Variants in ARSJ observed in about 807,000 individuals in gnomAD.
The protein encoded by ARSJ is arylsulfatase family member J.
In ARSJ, 26 loss-of-function variants were observed where a neutral mutation model predicts 35.9. That is an observed-to-expected ratio of 0.72 (90% confidence interval 0.53 to 1.00). The LOEUF (loss-of-function observed/expected upper bound fraction) is 1.00. Among genes scored for constraint, ARSJ ranks in the 50% least tolerant of loss-of-function variants. The pLI, the probability that ARSJ is intolerant of heterozygous loss-of-function variation, is 0.00. For missense variants in ARSJ, 667 were observed against 723.6 expected (o/e 0.92, Z 0.90); for synonymous variants, 294 against 267.6 (o/e 1.10, Z -0.96).
At chr4:113,965,211 A>G (rs1726816689) in intron 1 of ARSJ, among the ~76,000 whole-genome samples, 1 of 152,170 alleles carries the variant, frequency 6.6e-6, no homozygotes, top group Admixed American at 6.6e-5. Flanking sequence ...CAAATGAAAA[A>G]CAAGAACTTC....
chr4:113,934,090 A>G (rs1232579731), intron 1 of ARSJ, among the ~76,000 whole-genome samples: 2 of 151,858 alleles, frequency 1.3e-5, no homozygotes, highest in East Asian at 3.9e-4. Flanking sequence ...ACTTGTATCA[A>G]AAAGACAGTA....
In ARSJ at chr4:113,979,063, T is replaced by TCTC; in HGVS notation, c.-232_-230dup. 2.4e-6 allele frequency: 1 copy of TCTC among 423,802 alleles called. No homozygotes were observed. The highest frequency in any genetic ancestry group is 4.1e-6 in the Non-Finnish European group (1 of 242,016). 26.3% of individuals were successfully genotyped at this position (423,802 alleles called of 1,614,324 possible). On this transcript the variant is annotated 5_prime_UTR_variant, in exon 1 of 2. Coordinates refer to ENST00000315366, the MANE Select transcript of ARSJ (RefSeq NM_024590.4). ...CGCTCTTCTCCAGCACATTTCACTT[T>TCTC]CTCCTCCTCCTCCCCCCTCCCTAGA...
At chr4:113,928,415 TTC>T (rs775876113) in intron 1 of ARSJ, among the ~76,000 whole-genome samples, 1 of 152,152 alleles carries the variant, frequency 6.6e-6, no homozygotes, top group African/African-American at 2.4e-5. Flanking sequence ...GGAGCTGTGA[TTC>T]TCTGTTTTTA....
chr4:113,915,644 T>C (rs1299918234), intron 1 of ARSJ, among the ~76,000 whole-genome samples: 1 of 151,966 alleles, frequency 6.6e-6, no homozygotes, highest in Admixed American at 6.6e-5. Context: ...AAAGAAAAAA[T>C]AAATATACCC....
At chr4:113,930,667 A>G (rs1284354991) in intron 1 of ARSJ, among the ~76,000 whole-genome samples, 2 of 151,962 alleles carry the variant, frequency 1.3e-5, no homozygotes, top group Non-Finnish European at 2.9e-5. Context: ...CGGCCATCCC[A>G]TTACTGGGTA....
In ARSJ at chr4:113,901,611, G is replaced by C. The variant is rs2099667081; in HGVS notation, c.*663C>G. The C allele has an allele frequency of 6.6e-6, 1 of 152,530 alleles. No homozygotes were observed. Among genetic ancestry groups the C allele is most frequent in the African/African-American group, 2.4e-5 (1 of 41,430 alleles). The allele number at this position is 152,530 out of a possible 1,614,324, so 9.4% of individuals were successfully genotyped here. On this transcript the variant is annotated 3_prime_UTR_variant, in exon 2 of 2. Transcript: ENST00000315366. ...TAGTTACATTCATTGTGGGCAGTGT[G>C]CTCAAACATTCTTATTTGCCATTCC...
chr4:113,930,501 A>G (rs945749689), intron 1 of ARSJ, among the ~76,000 whole-genome samples: 1 of 152,126 alleles, frequency 6.6e-6, no homozygotes, highest in Non-Finnish European at 1.5e-5. Context: ...GTATCCTTCA[A>G]TCCAATCAAA....
At chr4:113,958,528 TC>T (rs1726335411) in intron 1 of ARSJ, among the ~76,000 whole-genome samples, 1 of 152,002 alleles carries the variant, frequency 6.6e-6, no homozygotes, top group Non-Finnish European at 1.5e-5. Context: ...CCAAAGAAGG[TC>T]TTTGAACCCC....
intron 1 of ARSJ, among the ~76,000 whole-genome samples, chr4:113,933,388 G>A (rs1325119873): frequency 6.6e-6 from 1 of 151,788 alleles, no homozygotes; most frequent in Non-Finnish European, 1.5e-5. Context: ...ACCAGACAGA[G>A]ACACAACAAA....
At chr4:113,952,693 A>G (rs1391562238) in intron 1 of ARSJ, among the ~76,000 whole-genome samples, 1 of 152,068 alleles carries the variant, frequency 6.6e-6, no homozygotes, top group African/African-American at 2.4e-5. Context: ...TAGAAGGACC[A>G]AGAGAACGAT....
chr4:113,969,099 C>A (rs925288003), intron 1 of ARSJ, among the ~76,000 whole-genome samples: 1 of 152,156 alleles, frequency 6.6e-6, no homozygotes, highest in Non-Finnish European at 1.5e-5. Context: ...TTCCATTACC[C>A]TATTTCCAAT....
rs148408717 is a variant in ARSJ at position 113,916,337 on chromosome 4, C to T, written c.399-12662G>A. Among the ~76,000 whole-genome samples the T allele has an allele frequency of 6.3e-4, 96 of 152,234 alleles. 1 individual carries two copies. In the East Asian group the frequency reaches 0.017, roughly 27 times the overall value. On this transcript the variant is annotated intron_variant, in intron 1 of 1. Coordinates refer to ENST00000315366, the MANE Select transcript of ARSJ (RefSeq NM_024590.4). ...GCTGTGTAACCTTGAGCATGCCGCT[C>T]AACCTGAACCTCAGTCTTTTCATTT...
chr4:113,966,861 A>T (rs910739650), intron 1 of ARSJ, among the ~76,000 whole-genome samples: 2 of 152,104 alleles, frequency 1.3e-5, no homozygotes, highest in African/African-American at 4.8e-5. Flanking sequence ...ACAATTCAGC[A>T]CTCTGACAGG....
chr4:113,939,881 C>T (rs920111242), intron 1 of ARSJ, among the ~76,000 whole-genome samples: 1 of 152,048 alleles, frequency 6.6e-6, no homozygotes, highest in African/African-American at 2.4e-5. Context: ...TGCCTGTTCA[C>T]TCTGATGGTA....
At chr4:113,948,248 A>G (rs17046641) in intron 1 of ARSJ, among the ~76,000 whole-genome samples, 1,938 of 152,164 alleles carry the variant, frequency 0.013, 34 homozygotes, top group African/African-American at 0.044. Flanking sequence ...CTTGTGAGTT[A>G]TTTACAGCTT....
intron 1 of ARSJ, among the ~76,000 whole-genome samples, chr4:113,956,428 A>G (rs1258084918): frequency 6.6e-6 from 1 of 152,052 alleles, no homozygotes; most frequent in African/African-American, 2.4e-5. Context: ...AATCGGTGGG[A>G]CCACACATTC....
intron 1 of ARSJ, among the ~76,000 whole-genome samples, chr4:113,954,769 G>A (rs1354310562): frequency 6.6e-6 from 1 of 152,082 alleles, no homozygotes; most frequent in Non-Finnish European, 1.5e-5. Flanking sequence ...TCTTATAAAA[G>A]TTGGGCTGTT....
At chr4:113,951,177 G>T (rs1416812728) in intron 1 of ARSJ, among the ~76,000 whole-genome samples, 1 of 152,032 alleles carries the variant, frequency 6.6e-6, no homozygotes, top group Non-Finnish European at 1.5e-5. Context: ...TCACCAGACA[G>T]CTCATTTTAT....
chr4:113,949,289 A>G (rs367777859), intron 1 of ARSJ, among the ~76,000 whole-genome samples: 1 of 152,120 alleles, frequency 6.6e-6, no homozygotes, highest in Non-Finnish European at 1.5e-5. Flanking sequence ...TACCTAATGT[A>G]ACAAACCTGA....
Sources: gnomAD v4.1 joint callset for allele counts (sites outside exome capture counted in the v4.1 genomes callset) on GRCh38, gnomAD v4.1.1 for gene constraint, MANE v1.5 for transcripts, NCBI Gene and HGNC (gene_info 2026-07-23, HGNC 2026-07-21) for gene names.